Variants in PCDHAC1 observed in about 807,000 individuals in gnomAD.
The protein encoded by PCDHAC1 is protocadherin alpha subfamily C, 1, also known as protocadherin alpha-C1.
Under a neutral mutation model 60.0 loss-of-function variants are expected in PCDHAC1, and 42 were observed. The ratio of observed to expected loss-of-function variants is 0.70; its 90% CI spans 0.55 to 0.90. The LOEUF (loss-of-function observed/expected upper bound fraction) is 0.90, where lower values mean the gene tolerates loss of function less well. Among genes scored for constraint, PCDHAC1 ranks in the 40% least tolerant of loss-of-function variants. The probability of loss-of-function intolerance (pLI) is 0.00; values close to 1 mark genes in which losing one functional copy is unlikely to be tolerated. For synonymous variants in PCDHAC1, 468 were observed against 499.3 expected (o/e 0.94, Z 0.84); for missense variants, 1,160 against 1,222.3 (o/e 0.95, Z 0.76).
chr5:140,990,518 T>G (rs2097397992), intron 3 of PCDHAC1, among the ~76,000 whole-genome samples: 1 of 152,314 alleles, frequency 6.6e-6, no homozygotes, highest in South Asian at 2.1e-4. Context: ...CTCTCTTGTC[T>G]TTTTTGACTG....
chr5:140,996,785 C>G (rs1423473534), intron 3 of PCDHAC1, among the ~76,000 whole-genome samples: 2 of 152,148 alleles, frequency 1.3e-5, no homozygotes, highest in Admixed American at 6.5e-5. Context: ...TAGTGCCTCA[C>G]TCCCTACATC....
chr5:140,941,243 CTT>C (rs782176516), intron 1 of PCDHAC1, among the ~76,000 whole-genome samples: 1 of 131,826 alleles, frequency 7.6e-6, no homozygotes, highest in Non-Finnish European at 1.6e-5. Flanking sequence ...TTCTTTCTTT[CTT>C]TCTTTCTTTC....
chr5:140,968,994 G>T (rs1182509201), intron 1 of PCDHAC1: 2 of 1,614,098 alleles, frequency 1.2e-6, no homozygotes, highest in Non-Finnish European at 1.7e-6. Context: ...GCATGCTGTG[G>T]AGGCTTCTGT....
chr5:140,978,789 A>G (rs2153817382), intron 1 of PCDHAC1, 160 bp from the exon 2 acceptor site: 22 of 974,564 alleles, frequency 2.3e-5, no homozygotes, highest in Non-Finnish European at 2.6e-5. Flanking sequence ...CTAAAGTGCT[A>G]TATATGTAGA....
chr5:140,968,159 A>T, intron 1 of PCDHAC1: 6 of 1,614,136 alleles, frequency 3.7e-6, no homozygotes, highest in Non-Finnish European at 4.2e-6. Flanking sequence ...CATCAATGAC[A>T]ATCCACCAAG....
In PCDHAC1 at chr5:141,010,640, G is replaced by A. The variant is rs2098417874; in HGVS notation, c.*703G>A. The A allele has an allele frequency of 5.6e-6, 1 of 179,322 alleles. No homozygotes were observed. Among genetic ancestry groups the A allele is most frequent in the South Asian group, 1.4e-4 (1 of 7,048 alleles). 11.1% of individuals were successfully genotyped at this position (179,322 alleles called of 1,614,324 possible). A position where few individuals can be genotyped will look rare whatever the true frequency, so the allele number is the denominator to read the frequency against. On this transcript the variant is annotated 3_prime_UTR_variant, in exon 4 of 4. Transcript: ENST00000253807. ...TCTGCATCATACCTGCAAGCCAACA[G>A]TTCAGTGTTTTAACAGAGAACCACC...
intron 1 of PCDHAC1, among the ~76,000 whole-genome samples, chr5:140,976,410 G>C (rs1353790339): frequency 6.6e-6 from 1 of 152,074 alleles, no homozygotes; most frequent in Non-Finnish European, 1.5e-5. Context: ...AATTAGCCAG[G>C]TACGGTGGCA....
chr5:140,971,509 A>C (rs1369392741), intron 1 of PCDHAC1, among the ~76,000 whole-genome samples: 4 of 152,112 alleles, frequency 2.6e-5, no homozygotes, highest in Admixed American at 2.0e-4. Flanking sequence ...ATAGGAGCAA[A>C]AGCCACTCAG....
At chr5:140,996,752 GT>G (rs1406262736) in intron 3 of PCDHAC1, among the ~76,000 whole-genome samples, 2 of 152,208 alleles carry the variant, frequency 1.3e-5, no homozygotes, top group East Asian at 3.9e-4. Flanking sequence ...AATTATATCT[GT>G]GCAGGACTAA....
At chr5:140,967,406 G>A in intron 1 of PCDHAC1, 1 of 1,613,006 alleles carries the variant, frequency 6.2e-7, no homozygotes, top group Non-Finnish European at 8.5e-7. Flanking sequence ...GCTGCGTAAG[G>A]GCCTAGACCG....
At chr5:140,979,563 C>T (rs1480899524) in intron 2 of PCDHAC1, among the ~76,000 whole-genome samples, 1 of 152,174 alleles carries the variant, frequency 6.6e-6, no homozygotes, top group African/African-American at 2.4e-5. Context: ...GAAGATGAGC[C>T]ATGTAAAGGG....
At position 140,927,227 on chromosome 5, in the gene PCDHAC1, T is replaced by G. The variant is rs782721972; in HGVS notation, c.335T>G (p.Ile112Ser). The G allele has an allele frequency of 3.2e-5, 51 of 1,613,848 alleles. No individual in the cohort carries two copies. The highest frequency in any genetic ancestry group is 1.6e-4 in the Middle Eastern group (1 of 6,084). ...EDPLELHKIRIHVLDTNDNSP... is the reference protein window; with the variant it reads ...EDPLELHKIRSHVLDTNDNSP... ...CCGCTGGAGCTGCACAAGATTCGGA[T>G]TCACGTCCTGGACACCAATGACAAC... The change falls in exon 1 of 4, where the codon ATT (isoleucine) becomes AGT (serine). Residue 112 changes from isoleucine (I) to serine (S), a missense_variant. By Grantham distance (142) the Ile-to-Ser change is moderately radical. Coordinates refer to ENST00000253807, the MANE Select transcript of PCDHAC1 (RefSeq NM_018898.5).
intron 3 of PCDHAC1, among the ~76,000 whole-genome samples, chr5:141,005,586 C>T (rs1428172819): frequency 6.6e-6 from 1 of 150,712 alleles, no homozygotes; most frequent in Non-Finnish European, 1.5e-5. Flanking sequence ...CCTGTAGTCC[C>T]AGCTACACAG....
In PCDHAC1 at chr5:141,011,040, A is replaced by G. The variant is rs1467029720; in HGVS notation, c.*1103A>G. On this transcript the variant is annotated 3_prime_UTR_variant, in exon 4 of 4. Transcript: ENST00000253807. ...AATCACAGCTTTACTCTTTCAGGTCACTCTGGGGCTGCCTCTTGCATGTAT... is the reference window on the plus strand; with the variant it reads ...AATCACAGCTTTACTCTTTCAGGTCGCTCTGGGGCTGCCTCTTGCATGTAT... 1 of 153,602 alleles carries G rather than the reference A, an allele frequency of 6.5e-6. No homozygotes were observed. The highest frequency in any genetic ancestry group is 2.4e-5 in the African/African-American group (1 of 41,374). The allele number at this position is 153,602 out of a possible 1,614,324, so 9.5% of individuals were successfully genotyped here.
In PCDHAC1 at chr5:140,982,326, G is replaced by T. The variant is rs1369721700; in HGVS notation, c.2493-149G>T. 1.6e-5 allele frequency: 22 copies of T among 1,411,958 alleles called. No homozygotes were observed. In the Admixed American group the frequency reaches 3.0e-4, roughly 20 times the overall value. The allele number at this position is 1,411,958 out of a possible 1,614,324, so 87.5% of individuals were successfully genotyped here. On this transcript the variant is annotated intron_variant, in intron 2 of 3. Transcript: ENST00000253807. ...CTTCTGCAGTTTATGCAGGGTGACTGCTCAGCAGTAATTGCTTCAGTTCAA... is the reference window on the plus strand; with the variant it reads ...CTTCTGCAGTTTATGCAGGGTGACTTCTCAGCAGTAATTGCTTCAGTTCAA...
At chr5:140,968,050 C>T (rs782392575) in intron 1 of PCDHAC1, 12 of 1,614,178 alleles carry the variant, frequency 7.4e-6, no homozygotes, top group Admixed American at 1.7e-5. Flanking sequence ...GCCCACTGGA[C>T]CGAGAGCGGG....
At chr5:140,993,894 A>G (rs1267639459) in intron 3 of PCDHAC1, among the ~76,000 whole-genome samples, 2 of 152,204 alleles carry the variant, frequency 1.3e-5, no homozygotes, top group African/African-American at 4.8e-5. Flanking sequence ...TGATGTCCAT[A>G]CAACAAAAAT....
intron 3 of PCDHAC1, among the ~76,000 whole-genome samples, chr5:140,986,222 G>A (rs1554247822): frequency 1.3e-5 from 2 of 152,164 alleles, no homozygotes; most frequent in African/African-American, 4.8e-5. Flanking sequence ...CCTTTCTCTA[G>A]CCTCCCCTCT....
At chr5:140,953,398 C>G (rs1247752047) in intron 1 of PCDHAC1, among the ~76,000 whole-genome samples, 9 of 152,150 alleles carry the variant, frequency 5.9e-5, no homozygotes, top group Non-Finnish European at 7.3e-5. Flanking sequence ...GATTACAGTG[C>G]TGTTGCTCCT....
Sources: gnomAD v4.1 joint callset for allele counts (sites outside exome capture counted in the v4.1 genomes callset) on GRCh38, gnomAD v4.1.1 for gene constraint, MANE v1.5 for transcripts, NCBI Gene and HGNC (gene_info 2026-07-23, HGNC 2026-07-21) for gene names.